The following LIPI variants were observed in gnomAD, a reference collection of about 807,000 sequenced individuals.
The protein encoded by LIPI is lipase member I.
LIPI carries 59 observed loss-of-function variants against 50.6 expected under a neutral mutation model. The ratio of observed to expected loss-of-function variants is 1.16; its 90% confidence interval spans 0.94 to 1.45. The LOEUF (loss-of-function observed/expected upper bound fraction) is 1.45. Ranked by LOEUF, LIPI falls within the 40% of genes most tolerant of loss-of-function variation. The pLI is 0.00. For missense variants in LIPI, 586 were observed against 536.3 expected, an observed-to-expected ratio of 1.09 and a Z score of -0.92; for synonymous variants, 203 against 178.2, an observed-to-expected ratio of 1.14 and a Z score of -1.11.
At position 14,151,089 on chromosome 21, in the gene LIPI, T is replaced by A. The variant is rs146629573; in HGVS notation, c.1118+1484A>T. On this transcript the variant is annotated intron_variant, in intron 8 of 9. Transcript: ENST00000681601. The stretch of plus-strand genomic sequence containing the variant: ...ATCATGGCATCCCTTGATGGAATGG[T>A]TTTTATGTTACTTCAGTACACAGGT... 2.6e-5 allele frequency among the ~76,000 whole-genome samples: 4 copies of A among 152,284 alleles called. No individual in the cohort carries two copies. The East Asian group carries it at 7.7e-4, about 29-fold the overall frequency.
chr21:14,148,660 C>T (rs533144194), intron 8 of LIPI, among the ~76,000 whole-genome samples: 3 of 152,286 alleles, frequency 2.0e-5, no homozygotes, highest in East Asian at 1.9e-4. Context: ...ATATAGCCTA[C>T]GTGTGTAGCA....
chr21:14,194,994 C>A (rs2019796746), intron 1 of LIPI, among the ~76,000 whole-genome samples: 1 of 152,090 alleles, frequency 6.6e-6, no homozygotes, highest in African/African-American at 2.4e-5. Context: ...ATTGTGATTG[C>A]TGAAAGGGAA....
At chr21:14,183,918 C>T (rs543099053) in intron 3 of LIPI, among the ~76,000 whole-genome samples, 24 of 152,232 alleles carry the variant, frequency 1.6e-4, no homozygotes, top group African/African-American at 5.3e-4. Context: ...GTCAGTGTGG[C>T]GATTCCTCAG....
At chr21:14,204,013 A>T (rs1199540595) in intron 1 of LIPI, among the ~76,000 whole-genome samples, 1 of 151,872 alleles carries the variant, frequency 6.6e-6, no homozygotes, top group Non-Finnish European at 1.5e-5. Flanking sequence ...ACATGTTCTC[A>T]CTTCTAAGTG....
chr21:14,210,235 A>T (rs2020328467), intron 1 of LIPI, among the ~76,000 whole-genome samples: 1 of 148,972 alleles, frequency 6.7e-6, no homozygotes. Context: ...AGAAAACGAT[A>T]CTCTTAATAT....
In LIPI at chr21:14,210,927, G is replaced by A. The variant is rs1380776991; in HGVS notation, c.-82C>T. On this transcript the variant is annotated 5_prime_UTR_variant, in exon 1 of 10. Coordinates refer to ENST00000681601, the MANE Select transcript of LIPI (RefSeq NM_001302998.2). Reference sequence around the variant, plus strand: ...ACTCATTGAGGTTTCTCTTTGGTAGGATCATCACAGGCTGGCAGGTTCTTC... The same window carrying A: ...ACTCATTGAGGTTTCTCTTTGGTAGAATCATCACAGGCTGGCAGGTTCTTC... 1.8e-6 allele frequency: 2 copies of A among 1,133,656 alleles called. No individual in the cohort carries two copies. The highest frequency in any genetic ancestry group is 1.7e-5 in the African/African-American group (1 of 60,032). The allele number at this position is 1,133,656 out of a possible 1,614,324, so 70.2% of individuals were successfully genotyped here.
At chr21:14,177,049 G>A (rs1344050794) in intron 4 of LIPI, among the ~76,000 whole-genome samples, 3 of 151,998 alleles carry the variant, frequency 2.0e-5, no homozygotes, top group Non-Finnish European at 4.4e-5. Context: ...GATCAATTGT[G>A]TTAATTAAAA....
chr21:14,185,461 C>T (rs2019419374), intron 3 of LIPI, among the ~76,000 whole-genome samples: 1 of 152,162 alleles, frequency 6.6e-6, no homozygotes, highest in South Asian at 2.1e-4. Flanking sequence ...GTAACTTAAG[C>T]TCTGTTGAGA....
Position 14,189,392 on chromosome 21 carries a change from G to A in LIPI, c.74C>T (p.Ser25Phe). 1.2e-6 allele frequency: 2 copies of A among 1,612,810 alleles called. No homozygotes were observed. Among genetic ancestry groups the A allele is most frequent in the Non-Finnish European group, 8.5e-7 (1 of 1,179,000 alleles). ...SDNKRPCLEF[S>F]QLSVKDSFRD... ...GAAGGAATCCTTTACACTTAGCTGA[G>A]AGAATTCAAGGCATGGTCTTTTATT... The change falls in exon 2 of 10, where the codon TCT (serine) becomes TTT (phenylalanine). Residue 25 changes from serine (S) to phenylalanine (F), a missense_variant. By Grantham distance (155) the Ser-to-Phe change is radical. Coordinates refer to ENST00000681601, the MANE Select transcript of LIPI (RefSeq NM_001302998.2).
chr21:14,193,978 A>G (rs1568881236), intron 1 of LIPI, among the ~76,000 whole-genome samples: 7 of 152,150 alleles, frequency 4.6e-5, no homozygotes. Flanking sequence ...AACTGGGCAA[A>G]GACTTAAATT....
At position 14,166,406 on chromosome 21, in the gene LIPI, T is replaced by C. The variant is rs989221449; in HGVS notation, c.689A>G (p.Asn230Ser). 1 of 1,611,068 alleles carries C rather than the reference T, an allele frequency of 6.2e-7. No homozygotes were observed. Among genetic ancestry groups the C allele is most frequent in the Non-Finnish European group, 8.5e-7 (1 of 1,177,342 alleles). Residue 230 changes from asparagine to serine, a missense_variant, in exon 5 of 10, where the codon AAT becomes AGT. Coordinates refer to ENST00000681601, the MANE Select transcript of LIPI (RefSeq NM_001302998.2). ...ACAGCCAGGTTGTTTATTTCCTCCA[T>C]TTGGATAAAAATCTATATGTCCCAA... is the stretch of plus-strand genomic sequence containing the variant. Reference protein sequence around the residue: ...EPLGHIDFYPNGGNKQPGCPK... With the variant: ...EPLGHIDFYPSGGNKQPGCPK...
intron 7 of LIPI, among the ~76,000 whole-genome samples, chr21:14,156,691 G>A (rs1389621284): frequency 6.6e-6 from 1 of 151,812 alleles, no homozygotes; most frequent in Non-Finnish European, 1.5e-5. Flanking sequence ...ATATACAAGT[G>A]GAAAAGTGGC....
Position 14,206,985 on chromosome 21 carries a change from A to T in LIPI, c.46+3815T>A. On this transcript the variant is annotated intron_variant, in intron 1 of 9. Coordinates refer to ENST00000681601, the MANE Select transcript of LIPI (RefSeq NM_001302998.2). ...TTATTCATGTATAATAAGAAGGAAGACCCTTTTGGGCCAGCAGAATTCCAA... is the reference window on the plus strand; with the variant it reads ...TTATTCATGTATAATAAGAAGGAAGTCCCTTTTGGGCCAGCAGAATTCCAA... The T allele has an allele frequency of 2.6e-6, 3 of 1,135,628 alleles. No individual in the cohort carries two copies. The South Asian group carries it at 3.7e-5, about 14-fold the overall frequency. 70.3% of individuals were successfully genotyped at this position (1,135,628 alleles called of 1,614,324 possible).
intron 9 of LIPI, among the ~76,000 whole-genome samples, chr21:14,129,506 C>T (rs1438971804): frequency 1.3e-5 from 2 of 151,602 alleles, no homozygotes; most frequent in African/African-American, 2.4e-5. Flanking sequence ...AAGATGTGTA[C>T]CCAATTATAC....
At chr21:14,202,687 A>G (rs1018348023) in intron 1 of LIPI, among the ~76,000 whole-genome samples, 5 of 152,208 alleles carry the variant, frequency 3.3e-5, no homozygotes, top group African/African-American at 4.8e-5. Flanking sequence ...TTAATTCAAG[A>G]TGGATTAAAG....
intron 4 of LIPI, among the ~76,000 whole-genome samples, chr21:14,174,241 T>TG (rs1203333705): frequency 1.2e-4 from 18 of 152,214 alleles, no homozygotes; most frequent in African/African-American, 2.4e-5. Flanking sequence ...TCAGATTGGG[T>TG]GGGGGGCAGC....
intron 9 of LIPI, among the ~76,000 whole-genome samples, chr21:14,131,681 G>A (rs1456566060): frequency 1.3e-5 from 2 of 152,024 alleles, no homozygotes; most frequent in African/African-American, 4.8e-5. Context: ...ACCACCAAGG[G>A]ACCGCAACAG....
At chr21:14,201,910 A>G (rs1196577342) in intron 1 of LIPI, among the ~76,000 whole-genome samples, 1 of 152,216 alleles carries the variant, frequency 6.6e-6, no homozygotes, top group Non-Finnish European at 1.5e-5. Flanking sequence ...CTGTTTGCAG[A>G]TGACGTGATT....
Position 14,189,313 on chromosome 21 carries a change from G to T in LIPI, c.153C>A (p.Asn51Lys), listed in dbSNP as rs781256580. The change falls in exon 2 of 10, where the codon AAC becomes AAA. Residue 51 changes from asparagine to lysine, a missense_variant. By Grantham distance (94) the Asn-to-Lys change is moderately conservative. Coordinates refer to ENST00000681601, the MANE Select transcript of LIPI (RefSeq NM_001302998.2). Reference sequence around the variant, plus strand: ...ACAGTGGCTCAGCACAGTTTAGGTTGTTCCTTGTATACATCATCAGAATGG... The same window carrying T: ...ACAGTGGCTCAGCACAGTTTAGGTTTTTCCTTGTATACATCATCAGAATGG... ...IETILMMYTR[N>K]NLNCAEPLFE... 1.9e-6 allele frequency: 3 copies of T among 1,613,578 alleles called. No homozygotes were observed. The highest frequency in any genetic ancestry group is 2.2e-5 in the East Asian group (1 of 44,860).
Sources: allele counts gnomAD v4.1 joint callset (sites outside exome capture counted in the v4.1 genomes callset), GRCh38; gene constraint gnomAD v4.1.1; transcripts MANE v1.5; gene names NCBI Gene and HGNC (gene_info 2026-07-23, HGNC 2026-07-21).